The following ZNF518A variants were observed in gnomAD, a reference collection of about 807,000 sequenced individuals.
ZNF518A encodes the protein zinc finger protein 518A, also known as zinc finger protein 518.
ZNF518A carries 47 observed loss-of-function variants against 102.7 expected under a neutral mutation model. The ratio of observed to expected loss-of-function variants is 0.46; its 90% CI spans 0.36 to 0.58. The LOEUF (loss-of-function observed/expected upper bound fraction) is 0.58, where lower values mean the gene tolerates loss of function less well. ZNF518A is among the 20% of genes least tolerant of loss of function. The pLI is 0.00. For missense variants in ZNF518A, 1,793 were observed against 1,699.8 expected, an observed-to-expected ratio of 1.05 and a Z score of -0.96; for synonymous variants, 652 against 594.6, an observed-to-expected ratio of 1.10 and a Z score of -1.40.
At chr10:96,139,737 G>A (rs1405648514) in intron 3 of ZNF518A, among the ~76,000 whole-genome samples, 1 of 152,212 alleles carries the variant, frequency 6.6e-6, no homozygotes, top group Non-Finnish European at 1.5e-5. Context: ...GGACAAGGTG[G>A]AAGCATGGAT....
chr10:96,160,784 AT>A lies in ZNF518A; in HGVS notation c.*12del. On this transcript the variant is annotated 3_prime_UTR_variant, in exon 6 of 6. Transcript: ENST00000316045. ...GAACATGTTAGAATAGTTTACCATA[AT>A]TACCAAGGAAAAGAAAAGTAAAATT... 2 of 1,523,708 alleles carry A rather than the reference AT, an allele frequency of 1.3e-6. No homozygotes were observed. The highest frequency in any genetic ancestry group is 1.8e-6 in the Non-Finnish European group (2 of 1,141,074). 94.4% of individuals were successfully genotyped at this position (1,523,708 alleles called of 1,614,324 possible). A position where few individuals can be genotyped will look rare whatever the true frequency, so the allele number is the denominator to read the frequency against.
rs587716239 is a variant in ZNF518A, at chr10:96,157,974, C to G, written c.1652C>G (p.Ser551Cys). 2.5e-6 allele frequency: 4 copies of G among 1,613,754 alleles called. No homozygotes were observed. Among genetic ancestry groups the G allele is most frequent in the African/African-American group, 1.3e-5 (1 of 75,040 alleles). ...ACAATGGATTATGAGAAAAGTGTATCTTCTTTGTCAGCAACATCAGAATTG... is the reference window on the plus strand; with the variant it reads ...ACAATGGATTATGAGAAAAGTGTATGTTCTTTGTCAGCAACATCAGAATTG... ...LQTMDYEKSVSSLSATSELVT... is the reference protein window; with the variant it reads ...LQTMDYEKSVCSLSATSELVT... Residue 551 changes from serine (S) to cysteine (C), a missense_variant, in exon 6 of 6, where the codon TCT becomes TGT. Coordinates refer to ENST00000316045, the MANE Select transcript of ZNF518A (RefSeq NM_001330736.2).
At chr10:96,180,954 CCCA>C (rs1325254248) in intron 1 of ZNF518A, among the ~76,000 whole-genome samples, 4 of 152,222 alleles carry the variant, frequency 2.6e-5, no homozygotes, top group African/African-American at 4.8e-5. Context: ...AGTTTACACT[CCCA>C]CCAACAGTGT....
intron 1 of ZNF518A, among the ~76,000 whole-genome samples, chr10:96,203,118 G>A (rs186957353): frequency 1.2e-4 from 18 of 152,082 alleles, no homozygotes; most frequent in Middle Eastern, 3.4e-3. Context: ...TATTTGTTTC[G>A]TTCATCCTTG....
intron 1 of ZNF518A, among the ~76,000 whole-genome samples, chr10:96,168,910 C>G (rs2083158250): frequency 6.6e-6 from 1 of 152,204 alleles, no homozygotes; most frequent in Non-Finnish European, 1.5e-5. Context: ...TGTTAAATCT[C>G]ATTTTTATTT....
chr10:96,185,182 T>G (rs1175664132), intron 1 of ZNF518A, among the ~76,000 whole-genome samples: 1 of 152,216 alleles, frequency 6.6e-6, no homozygotes, highest in Non-Finnish European at 1.5e-5. Flanking sequence ...CTACACTGTT[T>G]ATTCTAGTTA....
intron 3 of ZNF518A, among the ~76,000 whole-genome samples, chr10:96,140,162 A>T (rs192325403): frequency 1.3e-5 from 2 of 152,206 alleles, no homozygotes; most frequent in East Asian, 3.9e-4. Context: ...CCGGCCCAAG[A>T]TCTGGTTTTG....
At chr10:96,204,562 A>C, downstream of ZNF518A, 1 of 1,614,124 alleles carries the variant, frequency 6.2e-7, no homozygotes, top group South Asian at 1.1e-5. Context: ...TGGTGACTGC[A>C]CAGCTTCTTG....
intron 5 of ZNF518A, 34 bp from the exon 6 acceptor site, chr10:96,156,163 G>A (rs2082685356): frequency 5.4e-6 from 3 of 559,252 alleles, no homozygotes; most frequent in East Asian, 6.7e-5. Flanking sequence ...TATTATTTTT[G>A]TGATGAGAAT....
chr10:96,136,052 G>A (rs2081580309), intron 3 of ZNF518A, among the ~76,000 whole-genome samples: 1 of 152,118 alleles, frequency 6.6e-6, no homozygotes, highest in Admixed American at 6.5e-5. Context: ...AACAGTATGT[G>A]TTCTTTGGAA....
rs782094444 is a variant in ZNF518A at position 96,160,120 on chromosome 10, T to G, written c.3798T>G (p.Ser1266=). The part of the protein sequence containing the change: ...SKTKTHGSKD[S]ETAFVSRNRN... ...CAAAAACTCATGGAAGTAAAGACTC[T>G]GAAACTGCCTTTGTATCTAGAAACA... is the stretch of plus-strand genomic sequence containing the variant. Residue 1266 remains serine (S), a synonymous_variant, in exon 6 of 6, where the codon TCT becomes TCG. Transcript: ENST00000316045. The G allele has an allele frequency of 1.9e-6, 3 of 1,610,948 alleles. No individual in the cohort carries two copies. The highest frequency in any genetic ancestry group is 2.2e-5 in the South Asian group (2 of 90,346).
At chr10:96,164,006 A>G (rs188628225), downstream of ZNF518A, among the ~76,000 whole-genome samples, 2 of 152,232 alleles carry the variant, frequency 1.3e-5, no homozygotes, top group Non-Finnish European at 2.9e-5. Flanking sequence ...AGTGGGTAAA[A>G]TAGGTCATTT....
intron 1 of ZNF518A, among the ~76,000 whole-genome samples, chr10:96,180,080 C>T (rs979738111): frequency 2.0e-5 from 3 of 151,280 alleles, no homozygotes; most frequent in Admixed American, 6.6e-5. Context: ...GGGTTTCACC[C>T]TGTTGGCCAG....
At chr10:96,135,495 T>TA (rs1277093659) in intron 3 of ZNF518A, among the ~76,000 whole-genome samples, 1 of 152,244 alleles carries the variant, frequency 6.6e-6, no homozygotes, top group Admixed American at 6.5e-5. Flanking sequence ...TCCTATACCT[T>TA]ATAAAGAGTT....
chr10:96,178,717 G>A (rs1049245205), intron 1 of ZNF518A, among the ~76,000 whole-genome samples: 1 of 152,042 alleles, frequency 6.6e-6, no homozygotes, highest in Middle Eastern at 3.4e-3. Flanking sequence ...TAGATGAATC[G>A]AGAAAAATGT....
chr10:96,187,515 T>C (rs1427533676), intron 1 of ZNF518A, among the ~76,000 whole-genome samples: 1 of 152,246 alleles, frequency 6.6e-6, no homozygotes, highest in Non-Finnish European at 1.5e-5. Context: ...AAGAGTAGTT[T>C]AGCTCCCAGA....
At chr10:96,153,704 A>G (rs184542648) in intron 3 of ZNF518A, among the ~76,000 whole-genome samples, 16 of 152,326 alleles carry the variant, frequency 1.1e-4, no homozygotes, top group African/African-American at 2.4e-4. Flanking sequence ...AATGTTCCCA[A>G]TGAAGCTTTT....
At chr10:96,170,679 G>C (rs1591272410) in intron 1 of ZNF518A, among the ~76,000 whole-genome samples, 3 of 152,112 alleles carry the variant, frequency 2.0e-5, no homozygotes, top group African/African-American at 7.2e-5. Flanking sequence ...TTTTATGTTA[G>C]GGCAGAATTT....
Position 96,157,033 on chromosome 10 carries a change from T to G in ZNF518A, c.711T>G (p.Gly237=). ...HRHNEIHYKC[G]KCHHVCFTKG... ...ATAATGAAATTCATTATAAGTGTGGTAAATGTCATCATGTATGTTTTACCA... is the reference window on the plus strand; with the variant it reads ...ATAATGAAATTCATTATAAGTGTGGGAAATGTCATCATGTATGTTTTACCA... The change falls in exon 6 of 6, where the codon GGT becomes GGG. Residue 237 remains glycine, a synonymous_variant. Transcript: ENST00000316045. 2 of 1,613,776 alleles carry G rather than the reference T, an allele frequency of 1.2e-6. No individual in the cohort carries two copies. Among genetic ancestry groups the G allele is most frequent in the South Asian group, 1.1e-5 (1 of 91,040 alleles).
Sources: allele counts gnomAD v4.1 joint callset (sites outside exome capture counted in the v4.1 genomes callset), GRCh38; gene constraint gnomAD v4.1.1; transcripts MANE v1.5; gene names NCBI Gene and HGNC (gene_info 2026-07-23, HGNC 2026-07-21).